Variants in ZNF723 observed in about 807,000 individuals in gnomAD.
The protein encoded by ZNF723 is zinc finger protein 723.
A neutral mutation model predicts 9.4 loss-of-function variants in ZNF723; 5 were observed. The ratio of observed to expected loss-of-function variants is 0.53; its 90% CI spans 0.28 to 1.12. The LOEUF (loss-of-function observed/expected upper bound fraction) is 1.12, where lower values mean the gene tolerates loss of function less well. ZNF723 is among the 50% of genes most tolerant of loss of function. The probability of loss-of-function intolerance (pLI) is 0.10; values close to 1 mark genes in which losing one functional copy is unlikely to be tolerated. For synonymous variants in ZNF723, 158 were observed against 168.8 expected, an observed-to-expected ratio of 0.94 and a Z score of 0.49; for missense variants, 450 against 501.5, an observed-to-expected ratio of 0.90 and a Z score of 0.98.
intron 1 of ZNF723, among the ~76,000 whole-genome samples, chr19:22,837,867 C>G (rs1244361201): frequency 6.6e-6 from 1 of 152,108 alleles, no homozygotes; most frequent in African/African-American, 2.4e-5. Flanking sequence ...ATCCCTACCC[C>G]CAGACACTGA....
At chr19:22,843,690 A>G (rs1289885307) in intron 1 of ZNF723, among the ~76,000 whole-genome samples, 2 of 152,132 alleles carry the variant, frequency 1.3e-5, no homozygotes, top group Non-Finnish European at 2.9e-5. Flanking sequence ...TTTATATTGT[A>G]GTGACTTCTT....
chr19:22,819,572 C>T, the ZNF723 span, among the ~76,000 whole-genome samples: 13,831 of 151,560 alleles, frequency 0.091, 693 homozygotes, highest in Middle Eastern at 0.14. Flanking sequence ...CATAACTGAC[C>T]CCTGCCATCT....
chr19:22,813,970 C>CCCGGCTAAT, the ZNF723 span, among the ~76,000 whole-genome samples: 1 of 151,922 alleles, frequency 6.6e-6, no homozygotes, highest in Admixed American at 6.6e-5. Context: ...TGCCACCAAG[C>CCCGGCTAAT]CCGGCTAATT....
chr19:22,831,014 C>T (rs768648733), upstream of ZNF723, among the ~76,000 whole-genome samples: 11 of 152,118 alleles, frequency 7.2e-5, no homozygotes, highest in South Asian at 4.1e-4. Flanking sequence ...TCACCTACCT[C>T]GGCCTCCCAG....
chr19:22,817,386 T>G, the ZNF723 span, among the ~76,000 whole-genome samples: 7 of 152,152 alleles, frequency 4.6e-5, no homozygotes, highest in Non-Finnish European at 5.9e-5. Context: ...CAGCAGCCCT[T>G]GTGACATATT....
chr19:22,830,659 G>A (rs1052962380), upstream of ZNF723, among the ~76,000 whole-genome samples: 10 of 152,210 alleles, frequency 6.6e-5, no homozygotes, highest in Admixed American at 5.2e-4. Flanking sequence ...CCACTTAGTA[G>A]GTGTGGGTCT....
the ZNF723 span, among the ~76,000 whole-genome samples, chr19:22,824,573 G>T: frequency 6.6e-6 from 1 of 152,224 alleles, no homozygotes; most frequent in South Asian, 2.1e-4. Context: ...TGCATGAAAG[G>T]TCAGAGAAAA....
intron 1 of ZNF723, among the ~76,000 whole-genome samples, chr19:22,835,461 A>G (rs11882850): frequency 0.07 from 10,597 of 152,254 alleles, 671 homozygotes; most frequent in African/African-American, 0.17. Context: ...TACAAAGGGC[A>G]TAAAAGAGGT....
At position 22,858,506 on chromosome 19, in the gene ZNF723, G is replaced by T. The variant is rs1391527252; in HGVS notation, c.*73G>T. On this transcript the variant is annotated 3_prime_UTR_variant, in exon 4 of 4. Transcript: ENST00000600766. Reference sequence around the variant, plus strand: ...CTGGTGGCCAGGCACAGTAGCTTACGCCTGTAATCCCAGCACTTTGGGAGG... The same window carrying T: ...CTGGTGGCCAGGCACAGTAGCTTACTCCTGTAATCCCAGCACTTTGGGAGG... 1.7e-6 allele frequency: 1 copy of T among 596,932 alleles called. No individual in the cohort carries two copies. Among genetic ancestry groups the T allele is most frequent in the East Asian group, 2.8e-5 (1 of 36,206 alleles). The allele number at this position is 596,932 out of a possible 1,614,324, so 37.0% of individuals were successfully genotyped here. A position where few individuals can be genotyped will look rare whatever the true frequency, so the allele number is the denominator to read the frequency against.
chr19:22,854,889 A>T (rs933951930), intron 3 of ZNF723, among the ~76,000 whole-genome samples: 2 of 152,036 alleles, frequency 1.3e-5, no homozygotes, highest in Admixed American at 6.6e-5. Context: ...CTCTACTAAA[A>T]ATATGAAAGT....
chr19:22,846,579 C>T (rs1438826434), intron 1 of ZNF723, among the ~76,000 whole-genome samples: 2 of 152,046 alleles, frequency 1.3e-5, no homozygotes, highest in East Asian at 1.9e-4. Flanking sequence ...GGCAAGATTG[C>T]GCCACTGCCC....
At chr19:22,828,012 G>A (rs546797824), upstream of ZNF723, among the ~76,000 whole-genome samples, 9 of 151,854 alleles carry the variant, frequency 5.9e-5, no homozygotes, top group Non-Finnish European at 1.2e-4. Context: ...CCCGGGAGGC[G>A]GATGTTGCAG....
At chr19:22,825,300 T>C in the ZNF723 span, among the ~76,000 whole-genome samples, 23,238 of 152,118 alleles carry the variant, frequency 0.15, 1,824 homozygotes, top group Non-Finnish European at 0.18. Flanking sequence ...CGATATATCA[T>C]TGAAATGGTG....
In ZNF723 at chr19:22,845,889, C is replaced by CTTTTTTTTTTTTTTTTTTTT. The variant is rs1214348571; in HGVS notation, c.4-2354_4-2353insTTTTTTTTTTTTTTTTTTTT. 4.8e-5 allele frequency among the ~76,000 whole-genome samples: 6 copies of CTTTTTTTTTTTTTTTTTTTT among 124,390 alleles called. 1 individual carries two copies. The highest frequency in any genetic ancestry group is 2.7e-4 in the South Asian group (1 of 3,762). 81.6% of individuals were successfully genotyped at this position (124,390 alleles called of 152,430 possible). A position where few individuals can be genotyped will look rare whatever the true frequency, so the allele number is the denominator to read the frequency against. ...AGGAGGAGATAGGGAAAAAATATGC[C>CTTTTTTTTTTTTTTTTTTTT]TTTTTTTTTTTTTTTTTTAGCTAAA... On this transcript the variant is annotated intron_variant, in intron 1 of 3. Transcript: ENST00000600766.
At chr19:22,833,496 A>AC (rs1462925772) in intron 1 of ZNF723, among the ~76,000 whole-genome samples, 1 of 151,688 alleles carries the variant, frequency 6.6e-6, no homozygotes, top group Non-Finnish European at 1.5e-5. Context: ...TCTCAAATGT[A>AC]CCCCCCAATC....
intron 1 of ZNF723, among the ~76,000 whole-genome samples, chr19:22,833,614 T>C (rs1599469973): frequency 6.6e-6 from 1 of 152,190 alleles, no homozygotes; most frequent in East Asian, 1.9e-4. Context: ...TTATTAATTT[T>C]TTTTTTCTTT....
At chr19:22,828,379 G>T (rs973934635), upstream of ZNF723, among the ~76,000 whole-genome samples, 1 of 152,178 alleles carries the variant, frequency 6.6e-6, no homozygotes, top group African/African-American at 2.4e-5. Context: ...AGTTGGCGGG[G>T]GGTGGTGGCT....
rs534065745 is a variant in ZNF723, at chr19:22,858,053, A to G, written c.1162A>G (p.Lys388Glu). The change falls in exon 4 of 4, where the codon AAG becomes GAG. Residue 388 changes from lysine to glutamate, a missense_variant. Coordinates refer to ENST00000600766, the MANE Select transcript of ZNF723 (RefSeq NM_001349726.2). ...AGTATCTGTACACCTTACTACACAT[A>G]AGAGAATTCATACTGGAGAGAAACC... ...FKVSVHLTTH[K>E]RIHTGEKPYK... The G allele has an allele frequency of 1.3e-6, 2 of 1,522,252 alleles. No individual in the cohort carries two copies. Among genetic ancestry groups the G allele is most frequent in the Middle Eastern group, 1.7e-4 (1 of 5,892 alleles). The allele number at this position is 1,522,252 out of a possible 1,614,324, so 94.3% of individuals were successfully genotyped here. A position where few individuals can be genotyped will look rare whatever the true frequency, so the allele number is the denominator to read the frequency against.
chr19:22,821,385 T>G, the ZNF723 span, among the ~76,000 whole-genome samples: 4 of 152,182 alleles, frequency 2.6e-5, no homozygotes, highest in African/African-American at 9.6e-5. Flanking sequence ...TGTGACATCC[T>G]GCTGGACCCA....
Sources: gnomAD v4.1 joint callset for allele counts (sites outside exome capture counted in the v4.1 genomes callset) on GRCh38, gnomAD v4.1.1 for gene constraint, MANE v1.5 for transcripts, NCBI Gene and HGNC (gene_info 2026-07-23, HGNC 2026-07-21) for gene names.